RGL3: variants seen among roughly 807,000 people sequenced by gnomAD.
RGL3 encodes the protein ral guanine nucleotide dissociation stimulator-like 3.
Under a neutral mutation model 90.6 loss-of-function variants are expected in RGL3, and 85 were observed. That is an observed-to-expected ratio of 0.94 (90% CI 0.79 to 1.12). The LOEUF is 1.12. Ranked by LOEUF, RGL3 falls within the 50% of genes most tolerant of loss-of-function variation. RGL3 has a pLI of 0.00. For missense variants in RGL3, 1,034 were observed against 939.2 expected (o/e 1.10, Z -1.32); for synonymous variants, 408 against 385.5 (o/e 1.06, Z -0.68).
Position 11,406,427 on chromosome 19 carries a change from T to G in RGL3, c.988A>C (p.Ile330Leu), listed in dbSNP as rs1261717683. 1 of 1,537,628 alleles carries G rather than the reference T, an allele frequency of 6.5e-7. No homozygotes were observed. Among genetic ancestry groups the G allele is most frequent in the African/African-American group, 1.4e-5 (1 of 73,058 alleles). Residue 330 changes from isoleucine to leucine, a missense_variant, in exon 7 of 19, where the codon ATC becomes CTC. Transcript: ENST00000380456. ...CCGCGCCCGCAACACACCTGGGCGA[T>G]GCGGATCCACTTCTCCAGCCGCTGC... ...RAQRLEKWIR[I>L]AQRCRELRNF... is the part of the protein sequence containing the mutation.
rs376083004 is a variant in RGL3 at position 11,404,345 on chromosome 19, C to T, written c.1185+802G>A. ...GGATTCGAGACCAGCCTGGCCAACA[C>T]GGCAAAACCCCGTCTCTACCAAATA... On this transcript the variant is annotated intron_variant, in intron 9 of 18. Transcript: ENST00000380456. Among the ~76,000 whole-genome samples, 30 of 152,196 alleles carry T rather than the reference C, an allele frequency of 2.0e-4. No homozygotes were observed. In the South Asian group the frequency reaches 4.4e-3, roughly 22 times the overall value.
chr19:11,410,492 G>C (rs1968855972), intron 5 of RGL3, among the ~76,000 whole-genome samples: 1 of 152,030 alleles, frequency 6.6e-6, no homozygotes, highest in African/African-American at 2.4e-5. Context: ...GACCAGCCTG[G>C]GCGGCGTAGT....
At chr19:11,409,473 T>A (rs990436586) in intron 5 of RGL3, among the ~76,000 whole-genome samples, 1 of 150,090 alleles carries the variant, frequency 6.7e-6, no homozygotes, top group Non-Finnish European at 1.5e-5. Context: ...AGAGCGAGAC[T>A]CCATCTCAAA....
In RGL3 at chr19:11,405,362, G is replaced by A. The variant is rs764830325; in HGVS notation, c.1061C>T (p.Pro354Leu). 1 of 1,612,506 alleles carries A rather than the reference G, an allele frequency of 6.2e-7. No individual in the cohort carries two copies. The highest frequency in any genetic ancestry group is 2.2e-5 in the East Asian group (1 of 44,860). The change falls in exon 8 of 19, where the codon CCC (proline) becomes CTC (leucine). Residue 354 changes from proline to leucine, a missense_variant. Pro to Leu is a moderately conservative substitution (Grantham distance 98). Coordinates refer to ENST00000380456, the MANE Select transcript of RGL3 (RefSeq NM_001035223.4). ...CCAGCTGCGCTTGAGCCGGTAGATG[G>A]GGTTAGATTGCAGGGCGGACAGGAT... ...RAILSALQSN[P>L]IYRLKRSWGA...
In RGL3 at chr19:11,400,058, G is replaced by A. The variant is rs781272925; in HGVS notation, c.1631C>T (p.Pro544Leu). ...SSSPSGSPGD[P>L]SSPTSSVSPG... ...TGCTCACCTGGAGGTGGGGGATGAG[G>A]GGTCCCCGGGACTCCCACTAGGTGA... The change falls in exon 15 of 19, where the codon CCC (proline) becomes CTC (leucine). Residue 544 changes from proline to leucine, a missense_variant. Transcript: ENST00000380456. The A allele has an allele frequency of 4.4e-6, 7 of 1,608,082 alleles. No homozygotes were observed. The African/African-American group carries it at 8.1e-5, about 18-fold the overall frequency.
At chr19:11,397,618 AGGCTACAGCTT>A (rs750186888) in intron 16 of RGL3, 21 bp from the exon 17 acceptor site, 25 of 1,517,832 alleles carry the variant, frequency 1.6e-5, no homozygotes, top group Non-Finnish European at 2.2e-5. Flanking sequence ...TAAGGGGTGG[AGGCTACAGCTT>A]GGCCCATCTG....
intron 5 of RGL3, among the ~76,000 whole-genome samples, chr19:11,407,833 C>T (rs1347843567): frequency 1.3e-5 from 2 of 151,354 alleles, no homozygotes; most frequent in South Asian, 2.1e-4. Flanking sequence ...ATTACAGGCA[C>T]GAGCCACCAC....
At chr19:11,400,741 G>C (rs1968660975) in intron 13 of RGL3, among the ~76,000 whole-genome samples, 1 of 151,856 alleles carries the variant, frequency 6.6e-6, no homozygotes, top group Non-Finnish European at 1.5e-5. Context: ...TGTAATTGCG[G>C]CTACCGGGGA....
At chr19:11,416,775 A>G in intron 3 of RGL3, 61 bp downstream of exon 3, 2 of 1,599,186 alleles carry the variant, frequency 1.3e-6, no homozygotes, top group Non-Finnish European at 1.7e-6. Context: ...GAGGAGGTGG[A>G]GGGGGGTGCC....
chr19:11,414,499 A>ATATATATATATATATATACC (rs1968952616), intron 5 of RGL3, among the ~76,000 whole-genome samples: 4 of 73,686 alleles, frequency 5.4e-5, no homozygotes, highest in African/African-American at 2.1e-4. Flanking sequence ...TCATATATAT[A>ATATATATATATATATATACC]TATATATATA....
intron 5 of RGL3, 74 bp from the exon 6 acceptor site, chr19:11,406,938 G>T (rs1968794855): frequency 2.1e-6 from 3 of 1,433,980 alleles, no homozygotes; most frequent in Non-Finnish European, 2.8e-6. Flanking sequence ...GTGAGTCCCT[G>T]TCCCTCTCTG....
intron 7 of RGL3, among the ~76,000 whole-genome samples, chr19:11,405,791 G>T (rs1180320617): frequency 4.6e-5 from 7 of 151,296 alleles, no homozygotes; most frequent in Admixed American, 4.6e-4. Context: ...CGCCTCCCGG[G>T]TTCAAGTGAT....
chr19:11,402,460 A>T lies in RGL3; in HGVS notation c.1324T>A (p.Leu442Met), dbSNP rs1256836786. 1 of 1,601,370 alleles carries T rather than the reference A, an allele frequency of 6.2e-7. No individual in the cohort carries two copies. The highest frequency in any genetic ancestry group is 1.8e-5 in the Admixed American group (1 of 56,390). Residue 442 changes from leucine (L) to methionine (M), a missense_variant, in exon 11 of 19, where the codon TTG (leucine) becomes ATG (methionine). Coordinates refer to ENST00000380456, the MANE Select transcript of RGL3 (RefSeq NM_001035223.4). ...VMLDTALPDM[L>M]EGDLINFEKR... ...TCAAGGGTCAGGGGTCAGACCTCCA[A>T]CATATCCGGCAGGGCTGTGTCCAGC...
In RGL3 at chr19:11,419,256, T is replaced by A; in HGVS notation, c.23A>T (p.Glu8Val). Residue 8 changes from glutamate to valine, a missense_variant, in exon 1 of 19, where the codon GAG becomes GTG. Transcript: ENST00000380456. ...CCCTTGTCCCCTTACCAGGGCCAGCTCTTTGCCTGCTGTGCGCTCCATGGC... is the reference window on the plus strand; with the variant it reads ...CCCTTGTCCCCTTACCAGGGCCAGCACTTTGCCTGCTGTGCGCTCCATGGC... Reference protein sequence around the residue: MERTAGKELALAPLQDWG... With the variant: MERTAGKVLALAPLQDWG... The A allele has an allele frequency of 1.3e-6, 2 of 1,591,836 alleles. No homozygotes were observed. The highest frequency in any genetic ancestry group is 1.7e-6 in the Non-Finnish European group (2 of 1,170,592).
chr19:11,397,243 C>T lies in RGL3; in HGVS notation c.2014+1G>A, dbSNP rs770157314. On this transcript the variant is annotated splice_donor_variant, in intron 18 of 18. Coordinates refer to ENST00000380456, the MANE Select transcript of RGL3 (RefSeq NM_001035223.4). LOFTEE classifies it high-confidence loss of function. ...CTGAGCTCCAACCCATCCCTGCTCA[C>T]CCCGGTCCCCAGGAAGGACTTGAAA... 40 of 1,613,422 alleles carry T rather than the reference C, an allele frequency of 2.5e-5. No individual in the cohort carries two copies. The South Asian group carries it at 4.1e-4, about 16-fold the overall frequency.
intron 11 of RGL3, 62 bp downstream of exon 11, chr19:11,402,393 G>A: frequency 6.4e-7 from 1 of 1,567,030 alleles, no homozygotes; most frequent in Admixed American, 1.8e-5. Flanking sequence ...TGGATATTGG[G>A]AGGCCCATTG....
chr19:11,412,733 G>A (rs1429590769), intron 5 of RGL3, among the ~76,000 whole-genome samples: 1 of 152,086 alleles, frequency 6.6e-6, no homozygotes, highest in Non-Finnish European at 1.5e-5. Context: ...TTGGGAGACC[G>A]AGGCAAGCGG....
At position 11,405,393 on chromosome 19, in the gene RGL3, G is replaced by T. The variant is rs1038992708; in HGVS notation, c.1030C>A (p.Arg344Ser). 2 of 1,604,132 alleles carry T rather than the reference G, an allele frequency of 1.2e-6. No homozygotes were observed. The highest frequency in any genetic ancestry group is 1.3e-5 in the African/African-American group (1 of 74,774). ...CRELRNFSSL[R>S]AILSALQSNP... ...GATTGCAGGGCGGACAGGATGGCGC[G>T]CAAGGAGGAGAAGTTCCGCAGTTCT... is the stretch of plus-strand genomic sequence containing the variant. The change falls in exon 8 of 19, where the codon CGC becomes AGC. Residue 344 changes from arginine (R) to serine (S), a missense_variant. Arg to Ser is a moderately radical substitution (Grantham distance 110). Coordinates refer to ENST00000380456, the MANE Select transcript of RGL3 (RefSeq NM_001035223.4).
At chr19:11,410,922 C>T (rs1035842987) in intron 5 of RGL3, among the ~76,000 whole-genome samples, 2 of 151,770 alleles carry the variant, frequency 1.3e-5, no homozygotes, top group South Asian at 2.1e-4. Flanking sequence ...TAGGAACAAA[C>T]GACCGGTAGG....
Sources: allele counts gnomAD v4.1 joint callset (sites outside exome capture counted in the v4.1 genomes callset), GRCh38; gene constraint gnomAD v4.1.1; transcripts MANE v1.5; gene names NCBI Gene and HGNC (gene_info 2026-07-23, HGNC 2026-07-21).